Variants in STK39 observed in about 807,000 individuals in gnomAD.
STK39 encodes serine/threonine kinase 39.
In STK39, 20 loss-of-function variants were observed where a neutral mutation model predicts 77.8. The observed-to-expected ratio is 0.26, with a 90% CI of 0.18 to 0.37. The LOEUF (loss-of-function observed/expected upper bound fraction) is 0.37. STK39 is among the 10% of genes least tolerant of loss of function. The probability of loss-of-function intolerance (pLI) is 1.00; values close to 1 mark genes in which losing one functional copy is unlikely to be tolerated. For missense variants in STK39, 479 were observed against 656.5 expected (o/e 0.73, Z 2.95); for synonymous variants, 246 against 234.1 (o/e 1.05, Z -0.47).
At chr2:168,196,543 C>G (rs1432570482) in intron 1 of STK39, among the ~76,000 whole-genome samples, 1 of 152,164 alleles carries the variant, frequency 6.6e-6, no homozygotes, top group African/African-American at 2.4e-5. Context: ...GTAATCCCAG[C>G]TACTCGGGAG....
intron 12 of STK39, among the ~76,000 whole-genome samples, chr2:168,074,642 TC>T (rs1448100562): frequency 6.6e-6 from 1 of 152,206 alleles, no homozygotes; most frequent in Non-Finnish European, 1.5e-5. Context: ...AAGGCAGTAA[TC>T]CTAAGAGTTA....
chr2:168,083,154 C>T (rs1199894890), intron 10 of STK39, among the ~76,000 whole-genome samples: 1 of 151,782 alleles, frequency 6.6e-6, no homozygotes, highest in Non-Finnish European at 1.5e-5. Context: ...GTACATGTCA[C>T]ATATTTTTGT....
At chr2:168,046,548 A>C (rs1685246857) in intron 14 of STK39, among the ~76,000 whole-genome samples, 1 of 152,166 alleles carries the variant, frequency 6.6e-6, no homozygotes, top group Admixed American at 6.5e-5. Context: ...ACTCCTCCCA[A>C]GTGGAGGTGA....
At chr2:168,168,817 T>C (rs1477016498) in intron 2 of STK39, among the ~76,000 whole-genome samples, 4 of 152,030 alleles carry the variant, frequency 2.6e-5, no homozygotes, top group African/African-American at 9.7e-5. Flanking sequence ...ATGAGAAACA[T>C]TGTCTCTACA....
At chr2:168,152,247 T>G (rs1481641435) in intron 5 of STK39, among the ~76,000 whole-genome samples, 1 of 152,176 alleles carries the variant, frequency 6.6e-6, no homozygotes, top group Non-Finnish European at 1.5e-5. Flanking sequence ...GGATCCCCAA[T>G]GTGGGGTGGG....
intron 10 of STK39, among the ~76,000 whole-genome samples, chr2:168,109,173 G>A (rs1331676123): frequency 6.6e-6 from 1 of 152,090 alleles, no homozygotes; most frequent in African/African-American, 2.4e-5. Flanking sequence ...TAATGAACTG[G>A]AACAATAACA....
At chr2:168,153,995 G>T (rs899087059) in intron 5 of STK39, among the ~76,000 whole-genome samples, 1 of 152,118 alleles carries the variant, frequency 6.6e-6, no homozygotes, top group African/African-American at 2.4e-5. Context: ...CCACAGAGGG[G>T]CAAAGGCAGA....
intron 2 of STK39, among the ~76,000 whole-genome samples, chr2:168,170,742 T>G (rs1464323747): frequency 6.6e-6 from 1 of 152,094 alleles, no homozygotes; most frequent in African/African-American, 2.4e-5. Context: ...AAGTGCCCAG[T>G]AGTGGGTCTG....
intron 16 of STK39, among the ~76,000 whole-genome samples, chr2:168,008,117 T>C (rs1460614377): frequency 6.6e-6 from 1 of 152,136 alleles, no homozygotes; most frequent in Non-Finnish European, 1.5e-5. Context: ...ACTCTGGACA[T>C]TTCATATAAA....
chr2:167,979,445 A>G (rs1683361272), intron 16 of STK39, among the ~76,000 whole-genome samples: 1 of 152,194 alleles, frequency 6.6e-6, no homozygotes, highest in Non-Finnish European at 1.5e-5. Flanking sequence ...TTTCATGCGC[A>G]TATTTGGTGA....
chr2:168,150,598 C>T (rs1369394265), intron 5 of STK39, among the ~76,000 whole-genome samples: 1 of 151,968 alleles, frequency 6.6e-6, no homozygotes. Flanking sequence ...GGCACTACTC[C>T]TTTCTCTCTC....
chr2:168,015,007 C>A (rs1253699581), intron 15 of STK39, among the ~76,000 whole-genome samples: 2 of 152,192 alleles, frequency 1.3e-5, no homozygotes, highest in Non-Finnish European at 2.9e-5. Flanking sequence ...GCTGGCTGAT[C>A]CAAATGGGAA....
intron 1 of STK39, among the ~76,000 whole-genome samples, chr2:168,188,283 G>A (rs572824437): frequency 6.6e-6 from 1 of 152,314 alleles, no homozygotes; most frequent in African/African-American, 2.4e-5. Context: ...GGACACACAT[G>A]TGAGCTCTAC....
chr2:168,171,313 G>A (rs1240157044), intron 2 of STK39, among the ~76,000 whole-genome samples: 11 of 152,062 alleles, frequency 7.2e-5, no homozygotes, highest in African/African-American at 2.7e-4. Flanking sequence ...CCCACACACT[G>A]CTGTTATGCC....
At chr2:167,977,840 A>G (rs1683320754) in intron 16 of STK39, among the ~76,000 whole-genome samples, 1 of 131,048 alleles carries the variant, frequency 7.6e-6, no homozygotes, top group South Asian at 2.2e-4. Flanking sequence ...GAGAAAAGGT[A>G]ATTCACAGAG....
intron 16 of STK39, among the ~76,000 whole-genome samples, chr2:167,986,280 G>T (rs13411094): frequency 6.6e-6 from 1 of 152,118 alleles, no homozygotes; most frequent in African/African-American, 2.4e-5. Flanking sequence ...ACAGCCTGCA[G>T]TGAGGATGTA....
At chr2:167,959,915 T>C (rs1691901467) in intron 17 of STK39, among the ~76,000 whole-genome samples, 1 of 152,160 alleles carries the variant, frequency 6.6e-6, no homozygotes, top group South Asian at 2.1e-4. Context: ...ACAAAGAGTT[T>C]TGACATCCAG....
intron 1 of STK39, among the ~76,000 whole-genome samples, chr2:168,209,771 G>A (rs1242113876): frequency 6.6e-6 from 1 of 152,204 alleles, no homozygotes; most frequent in Non-Finnish European, 1.5e-5. Context: ...GGCCGAGGCA[G>A]GCAGATCACT....
At chr2:168,135,687 A>T (rs1319060050) in intron 8 of STK39, among the ~76,000 whole-genome samples, 1 of 152,234 alleles carries the variant, frequency 6.6e-6, no homozygotes, top group East Asian at 1.9e-4. Flanking sequence ...GTAATTCAAC[A>T]ATGTTGCTTT....
Sources: allele counts gnomAD v4.1 joint callset (sites outside exome capture counted in the v4.1 genomes callset), GRCh38; gene constraint gnomAD v4.1.1; transcripts MANE v1.5; gene names NCBI Gene and HGNC (gene_info 2026-07-23, HGNC 2026-07-21).